PDLIM1: variants seen among roughly 807,000 people sequenced by gnomAD.
The protein encoded by PDLIM1 is PDZ and LIM domain protein 1.
A neutral mutation model predicts 35.2 loss-of-function variants in PDLIM1; 25 were observed. The observed-to-expected ratio is 0.71, with a 90% CI of 0.52 to 0.99. The LOEUF is 0.99. Among genes scored for constraint, PDLIM1 ranks in the 50% least tolerant of loss-of-function variants. The pLI is 0.00. For synonymous variants in PDLIM1, 152 were observed against 154.0 expected (o/e 0.99, Z 0.10); for missense variants, 363 against 415.3 (o/e 0.87, Z 1.09).
intron 5 of PDLIM1, among the ~76,000 whole-genome samples, chr10:95,241,490 G>C (rs1250994538): frequency 2.0e-5 from 3 of 152,162 alleles, no homozygotes; most frequent in Non-Finnish European, 4.4e-5. Context: ...AGTTTCGATT[G>C]TCACAGTGAA....
chr10:95,268,622 C>T (rs527713939), intron 3 of PDLIM1, among the ~76,000 whole-genome samples, 156 bp downstream of exon 3: 21 of 152,272 alleles, frequency 1.4e-4, no homozygotes, highest in African/African-American at 4.1e-4. Context: ...AGTTCCCTTA[C>T]GGGAAGAACT....
intron 1 of PDLIM1, among the ~76,000 whole-genome samples, chr10:95,273,835 T>G (rs1482144177): frequency 6.6e-6 from 1 of 152,206 alleles, no homozygotes; most frequent in South Asian, 2.1e-4. Flanking sequence ...TCTGACCTGT[T>G]GTCCTGAGAA....
intron 1 of PDLIM1, among the ~76,000 whole-genome samples, chr10:95,287,829 T>A (rs1046954751): frequency 1.3e-5 from 2 of 151,912 alleles, no homozygotes; most frequent in African/African-American, 4.8e-5. Context: ...AGCTAGCCTA[T>A]GTCCACTTAA....
At chr10:95,286,598 C>T (rs1343762432) in intron 1 of PDLIM1, among the ~76,000 whole-genome samples, 1 of 152,158 alleles carries the variant, frequency 6.6e-6, no homozygotes, top group Non-Finnish European at 1.5e-5. Flanking sequence ...GGAAGCTTCC[C>T]CCAGGCTTTC....
chr10:95,270,698 A>G lies in PDLIM1; in HGVS notation c.248+935T>C, dbSNP rs149344152. On this transcript the variant is annotated intron_variant, in intron 2 of 6. Transcript: ENST00000329399. ...GTTCAAGTTTTTCTCTGTTATTGCA[A>G]TCTCCTGGCATGGTACCCACTGCTC... is the stretch of plus-strand genomic sequence containing the variant. Among the ~76,000 whole-genome samples, 1,026 of 152,206 alleles carry G rather than the reference A, an allele frequency of 6.7e-3. 11 individuals are homozygous for G. The highest frequency in any genetic ancestry group is 0.024 in the African/African-American group (995 of 41,518).
intron 4 of PDLIM1, 44 bp from the exon 5 acceptor site, chr10:95,247,410 TAAAA>T: frequency 6.5e-7 from 1 of 1,528,762 alleles, no homozygotes; most frequent in Non-Finnish European, 8.9e-7. Context: ...TGACAGAAGT[TAAAA>T]ATAACTTCAC....
At chr10:95,285,110 T>C (rs1448511945) in intron 1 of PDLIM1, among the ~76,000 whole-genome samples, 2 of 152,214 alleles carry the variant, frequency 1.3e-5, no homozygotes, top group Non-Finnish European at 2.9e-5. Flanking sequence ...AAGCAGGTCT[T>C]TCTCTAGCCA....
At chr10:95,247,422 C>A in intron 4 of PDLIM1, 56 bp from the exon 5 acceptor site, 1 of 1,402,558 alleles carries the variant, frequency 7.1e-7, no homozygotes, top group Non-Finnish European at 9.9e-7. Context: ...AAAATAACTT[C>A]ACCAGGAACC....
intron 1 of PDLIM1, among the ~76,000 whole-genome samples, chr10:95,286,438 A>G (rs2035602812): frequency 6.6e-6 from 1 of 152,124 alleles, no homozygotes; most frequent in Non-Finnish European, 1.5e-5. Flanking sequence ...TTATCTTTAC[A>G]GGGAATATTA....
intron 1 of PDLIM1, among the ~76,000 whole-genome samples, chr10:95,284,281 A>T (rs2035583679): frequency 6.6e-6 from 1 of 152,102 alleles, no homozygotes; most frequent in African/African-American, 2.4e-5. Context: ...TCAGAAGCAT[A>T]AGTATTTTTT....
intron 3 of PDLIM1, among the ~76,000 whole-genome samples, chr10:95,265,058 G>A (rs951310541): frequency 5.9e-5 from 9 of 152,070 alleles, no homozygotes; most frequent in Non-Finnish European, 1.2e-4. Flanking sequence ...GTGTCTTAGT[G>A]TCTGTGTTTT....
At chr10:95,250,545 A>G (rs1177854681) in intron 4 of PDLIM1, among the ~76,000 whole-genome samples, 2 of 152,188 alleles carry the variant, frequency 1.3e-5, no homozygotes, top group African/African-American at 2.4e-5. Context: ...TGATACCACA[A>G]TATCTTAAAA....
At chr10:95,277,640 AAAAAT>A (rs45565541) in intron 1 of PDLIM1, among the ~76,000 whole-genome samples, 14 of 150,248 alleles carry the variant, frequency 9.3e-5, no homozygotes, top group Admixed American at 5.3e-4. Flanking sequence ...AAGAATGTCT[AAAAAT>A]AAAATAAAAT....
At chr10:95,281,202 T>C (rs1227965174) in intron 1 of PDLIM1, among the ~76,000 whole-genome samples, 2 of 151,890 alleles carry the variant, frequency 1.3e-5, no homozygotes, top group African/African-American at 2.4e-5. Flanking sequence ...GAACTTATAC[T>C]CCTATAAAAT....
intron 1 of PDLIM1, among the ~76,000 whole-genome samples, chr10:95,276,193 C>T (rs549956748): frequency 1.3e-5 from 2 of 152,228 alleles, no homozygotes; most frequent in South Asian, 4.1e-4. Flanking sequence ...CAAGTTCACA[C>T]AGCTAAAGGC....
At chr10:95,238,805 C>G in intron 5 of PDLIM1, 120 bp from the exon 6 acceptor site, 1 of 657,906 alleles carries the variant, frequency 1.5e-6, no homozygotes, top group Non-Finnish European at 2.8e-6. Context: ...TGGAGTGACT[C>G]TGCTCTGTGA....
At chr10:95,261,103 G>T (rs1326892338) in intron 4 of PDLIM1, among the ~76,000 whole-genome samples, 1 of 152,198 alleles carries the variant, frequency 6.6e-6, no homozygotes, top group East Asian at 1.9e-4. Context: ...TGCAGCCAAA[G>T]AGTCTGGGCC....
intron 5 of PDLIM1, among the ~76,000 whole-genome samples, chr10:95,239,877 C>G (rs1449232676): frequency 6.6e-6 from 1 of 151,904 alleles, no homozygotes; most frequent in South Asian, 2.1e-4. Context: ...ATGCGGCCAA[C>G]AAACATGAAA....
chr10:95,274,371 G>A (rs1323829506), intron 1 of PDLIM1, among the ~76,000 whole-genome samples: 1 of 147,562 alleles, frequency 6.8e-6, no homozygotes, highest in Non-Finnish European at 1.5e-5. Context: ...TCGGCTCACT[G>A]CAACCTCCAC....
Sources: gnomAD v4.1 joint callset for allele counts (sites outside exome capture counted in the v4.1 genomes callset) on GRCh38, gnomAD v4.1.1 for gene constraint, MANE v1.5 for transcripts, NCBI Gene and HGNC (gene_info 2026-07-23, HGNC 2026-07-21) for gene names.